Variants in ZBTB16 observed in about 807,000 individuals in gnomAD.
ZBTB16 encodes the protein zinc finger and BTB domain-containing protein 16.
Under a neutral mutation model 56.8 loss-of-function variants are expected in ZBTB16, and 8 were observed. The observed-to-expected ratio is 0.14, with a 90% CI of 0.08 to 0.25. The LOEUF (loss-of-function observed/expected upper bound fraction) is 0.25. ZBTB16 is among the 10% of genes least tolerant of loss of function. The pLI, the probability that ZBTB16 is intolerant of heterozygous loss-of-function variation, is 1.00. For synonymous variants in ZBTB16, 363 were observed against 368.5 expected (o/e 0.98, Z 0.17); for missense variants, 625 against 903.0 (o/e 0.69, Z 3.95).
In ZBTB16 at chr11:114,112,967, C is replaced by A. The variant is rs1941067594; in HGVS notation, c.1269-43370C>A. ...TAAAATTTTTTCTTAGAGATGGGATCTCACTGCATTGCCCAGGCTGATCAT... is the reference window on the plus strand; with the variant it reads ...TAAAATTTTTTCTTAGAGATGGGATATCACTGCATTGCCCAGGCTGATCAT... On this transcript the variant is annotated intron_variant, in intron 2 of 6. Coordinates refer to ENST00000335953, the MANE Select transcript of ZBTB16 (RefSeq NM_006006.6). Among the ~76,000 whole-genome samples the A allele has an allele frequency of 2.0e-5, 3 of 152,062 alleles. No individual in the cohort carries two copies. In the South Asian group the frequency reaches 6.2e-4, roughly 31 times the overall value.
chr11:114,076,497 G>A (rs1313636830), intron 2 of ZBTB16, among the ~76,000 whole-genome samples: 4 of 152,130 alleles, frequency 2.6e-5, no homozygotes, highest in Non-Finnish European at 5.9e-5. Flanking sequence ...AAGCTGCTTC[G>A]AAGGCGTTTG....
At chr11:114,131,641 A>G (rs549491598) in intron 2 of ZBTB16, among the ~76,000 whole-genome samples, 1 of 152,220 alleles carries the variant, frequency 6.6e-6, no homozygotes, top group East Asian at 1.9e-4. Context: ...AGGCAGAATA[A>G]ACAATCCGAG....
At chr11:114,136,078 A>G (rs967344806) in intron 2 of ZBTB16, among the ~76,000 whole-genome samples, 2 of 152,172 alleles carry the variant, frequency 1.3e-5, no homozygotes, top group African/African-American at 2.4e-5. Flanking sequence ...ATGGAATGCC[A>G]TTGAATTCAT....
Position 114,149,502 on chromosome 11 carries a change from G to A in ZBTB16, c.1269-6835G>A, listed in dbSNP as rs994386907. On this transcript the variant is annotated intron_variant, in intron 2 of 6. Coordinates refer to ENST00000335953, the MANE Select transcript of ZBTB16 (RefSeq NM_006006.6). ...CATGGAAGGTGTTAACTAGCACTCA[G>A]TTAGTTCTTGGTTGTTTTTCTTAAT... 1.3e-5 allele frequency among the ~76,000 whole-genome samples: 2 copies of A among 152,280 alleles called. 1 individual carries two copies.
intron 2 of ZBTB16, among the ~76,000 whole-genome samples, chr11:114,155,672 ACT>A (rs1942392096): frequency 6.6e-6 from 1 of 151,754 alleles, no homozygotes; most frequent in Admixed American, 6.6e-5. Flanking sequence ...GTTTCTTGAA[ACT>A]CTGCTTTCTG....
At chr11:114,089,716 T>G (rs921639083) in intron 2 of ZBTB16, among the ~76,000 whole-genome samples, 3 of 152,208 alleles carry the variant, frequency 2.0e-5, no homozygotes, top group Non-Finnish European at 4.4e-5. Context: ...TGGGGAATCA[T>G]CTTTTTGCAT....
intron 2 of ZBTB16, among the ~76,000 whole-genome samples, chr11:114,097,951 G>A (rs961433468): frequency 6.6e-6 from 1 of 152,172 alleles, no homozygotes; most frequent in African/African-American, 2.4e-5. Flanking sequence ...AAAATTATGG[G>A]AGAGATGTTT....
chr11:114,073,053 C>CAAAA (rs11349665), intron 2 of ZBTB16, among the ~76,000 whole-genome samples: 13 of 69,978 alleles, frequency 1.9e-4, no homozygotes, highest in Admixed American at 1.3e-3. Flanking sequence ...GAGACTGTCT[C>CAAAA]AAAAAAAAAA....
intron 4 of ZBTB16, chr11:114,209,719 A>G: frequency 2.0e-6 from 2 of 985,430 alleles, no homozygotes; most frequent in Non-Finnish European, 2.4e-6. Flanking sequence ...CCTCAATTTC[A>G]GGCCCCCAGG....
chr11:114,248,146 C>T (rs1230431874), intron 6 of ZBTB16, among the ~76,000 whole-genome samples: 3 of 152,092 alleles, frequency 2.0e-5, no homozygotes, highest in East Asian at 1.9e-4. Flanking sequence ...GTGATTCACC[C>T]GCCTCGGCCT....
intron 3 of ZBTB16, among the ~76,000 whole-genome samples, chr11:114,179,673 A>G (rs1943200333): frequency 6.6e-6 from 1 of 151,774 alleles, no homozygotes; most frequent in Non-Finnish European, 1.5e-5. Flanking sequence ...CTCCCTTCTT[A>G]TTATTAGCAT....
In ZBTB16 at chr11:114,152,205, G is replaced by C. The variant is rs78078986; in HGVS notation, c.1269-4132G>C. ...TCCTTGATCAATCCCTTTTGAACGA[G>C]GCCTCATGAGGAAAGGAAATATAGG... On this transcript the variant is annotated intron_variant, in intron 2 of 6. Coordinates refer to ENST00000335953, the MANE Select transcript of ZBTB16 (RefSeq NM_006006.6). Among the ~76,000 whole-genome samples the C allele has an allele frequency of 1.9e-3, 290 of 152,284 alleles. 5 individuals carry two copies. The East Asian group carries it at 0.045, about 24-fold the overall frequency.
In ZBTB16 at chr11:114,157,696, G is replaced by A. The variant is rs115953963; in HGVS notation, c.1366+1262G>A. ...TGCAGGGCCCATGTGGTTCCGCATT[G>A]TGTTGGATGTGGTCTCTCCCCCGGC... On this transcript the variant is annotated intron_variant, in intron 3 of 6. Coordinates refer to ENST00000335953, the MANE Select transcript of ZBTB16 (RefSeq NM_006006.6). 8.9e-3 allele frequency among the ~76,000 whole-genome samples: 1,352 copies of A among 152,290 alleles called. 25 individuals carry two copies. Among genetic ancestry groups the A allele is most frequent in the African/African-American group, 0.031 (1,287 of 41,560 alleles).
At position 114,242,284 on chromosome 11, in the gene ZBTB16, A is replaced by G. The variant is rs772611779; in HGVS notation, c.1571A>G (p.Asn524Ser). The change falls in exon 5 of 7, where the codon AAC (asparagine) becomes AGC (serine). Residue 524 changes from asparagine (N) to serine (S), a missense_variant. By Grantham distance (46) the Asn-to-Ser change is conservative. Coordinates refer to ENST00000335953, the MANE Select transcript of ZBTB16 (RefSeq NM_006006.6). ...GVRSYICSEC[N>S]RTFPSHTALK... ...CGCAGCTACATCTGCAGTGAGTGCAACCGCACCTTCCCCAGCCACACGGCT... is the reference window on the plus strand; with the variant it reads ...CGCAGCTACATCTGCAGTGAGTGCAGCCGCACCTTCCCCAGCCACACGGCT... The G allele has an allele frequency of 1.2e-6, 2 of 1,614,026 alleles. No homozygotes were observed. Among genetic ancestry groups the G allele is most frequent in the Non-Finnish European group, 1.7e-6 (2 of 1,180,042 alleles).
At chr11:114,249,192 C>T (rs1308933680) in intron 6 of ZBTB16, among the ~76,000 whole-genome samples, 2 of 151,406 alleles carry the variant, frequency 1.3e-5, no homozygotes, top group Non-Finnish European at 2.9e-5. Flanking sequence ...GGTGGGGGAG[C>T]TCATGCCTAT....
chr11:114,075,760 T>A (rs1324050568), intron 2 of ZBTB16, among the ~76,000 whole-genome samples: 1 of 152,076 alleles, frequency 6.6e-6, no homozygotes, highest in African/African-American at 2.4e-5. Context: ...TGTGAGCCAC[T>A]GCGCCTGGCC....
At chr11:114,147,162 C>G (rs1016044007) in intron 2 of ZBTB16, among the ~76,000 whole-genome samples, 1 of 152,158 alleles carries the variant, frequency 6.6e-6, no homozygotes, top group Non-Finnish European at 1.5e-5. Flanking sequence ...AAAAGGTTTT[C>G]AGAATGGTTT....
At chr11:114,110,258 C>A (rs770625574) in intron 2 of ZBTB16, among the ~76,000 whole-genome samples, 1 of 152,140 alleles carries the variant, frequency 6.6e-6, no homozygotes, top group Non-Finnish European at 1.5e-5. Flanking sequence ...CCAGACCCTA[C>A]GGTCAAAGAT....
chr11:114,235,682 C>CTTTCTTTCTTTCTTTCT (rs1341487494), intron 4 of ZBTB16, among the ~76,000 whole-genome samples: 141 of 36,080 alleles, frequency 3.9e-3, no homozygotes, highest in African/African-American at 0.01. Flanking sequence ...TTCTTTCTTT[C>CTTTCTTTCTTTCTTTCT]TTTCTTTCTT....
Sources: allele counts gnomAD v4.1 joint callset (sites outside exome capture counted in the v4.1 genomes callset), GRCh38; gene constraint gnomAD v4.1.1; transcripts MANE v1.5; gene names NCBI Gene and HGNC (gene_info 2026-07-23, HGNC 2026-07-21).